Variants in CLTC observed in about 807,000 individuals in gnomAD.
CLTC encodes clathrin heavy chain 1.
A neutral mutation model predicts 195.8 loss-of-function variants in CLTC; 16 were observed. The observed-to-expected ratio is 0.08, with a 90% CI of 0.06 to 0.12. The LOEUF (loss-of-function observed/expected upper bound fraction) is 0.12, where lower values mean the gene tolerates loss of function less well. Ranked by LOEUF, CLTC falls within the 10% of genes least tolerant of loss-of-function variation. The pLI, the probability that CLTC is intolerant of heterozygous loss-of-function variation, is 1.00. For synonymous variants in CLTC, 667 were observed against 689.4 expected (o/e 0.97, Z 0.51); for missense variants, 796 against 2,027.0 (o/e 0.39, Z 11.66).
chr17:59,645,155 G>A (rs887529614), intron 2 of CLTC, among the ~76,000 whole-genome samples: 1 of 151,936 alleles, frequency 6.6e-6, no homozygotes, highest in Admixed American at 6.6e-5. Context: ...ACTAATATTA[G>A]CACCTAAACA....
chr17:59,655,921 A>T lies in CLTC; in HGVS notation c.863A>T (p.Glu288Val). The change falls in exon 6 of 32, where the codon GAG (glutamate) becomes GTG (valine). Residue 288 changes from glutamate (E) to valine (V), a missense_variant. Glu to Val is a moderately radical substitution (Grantham distance 121, BLOSUM62 -2). Coordinates refer to ENST00000269122, the MANE Select transcript of CLTC (RefSeq NM_004859.4). ...KYGYIHLYDL[E>V]TGTCIYMNRI... ...GGTTATATCCACCTCTATGATCTTG[A>T]GACTGGTACCTGCATCTACATGAAT... is the stretch of plus-strand genomic sequence containing the variant. 6.2e-7 allele frequency: 1 copy of T among 1,612,342 alleles called. No individual in the cohort carries two copies. The highest frequency in any genetic ancestry group is 8.5e-7 in the Non-Finnish European group (1 of 1,179,478).
chr17:59,657,385 T>G (rs1234484619), intron 6 of CLTC, among the ~76,000 whole-genome samples: 11 of 152,186 alleles, frequency 7.2e-5, no homozygotes, highest in African/African-American at 4.8e-5. Flanking sequence ...TAAATTATAT[T>G]TCTAGCACCA....
intron 18 of CLTC, among the ~76,000 whole-genome samples, chr17:59,679,916 A>G (rs2033047321): frequency 6.6e-6 from 1 of 152,036 alleles, no homozygotes; most frequent in African/African-American, 2.4e-5. Flanking sequence ...TAAAAATACA[A>G]AAATTAGCCA....
intron 31 of CLTC, among the ~76,000 whole-genome samples, chr17:59,692,257 C>T (rs1205963208): frequency 1.3e-5 from 2 of 152,206 alleles, no homozygotes; most frequent in East Asian, 3.9e-4. Flanking sequence ...GCAAAGGCTG[C>T]AGTGAGCCAA....
chr17:59,643,111 T>C (rs1394432651), intron 1 of CLTC, among the ~76,000 whole-genome samples: 7 of 150,698 alleles, frequency 4.6e-5, no homozygotes, highest in Admixed American at 2.0e-4. Flanking sequence ...TTTTTTTTTT[T>C]CCATGCTTTT....
Position 59,644,391 on chromosome 17 carries a change from T to C in CLTC, c.158T>C (p.Ile53Thr), listed in dbSNP as rs374052427. Residue 53 changes from isoleucine (I) to threonine (T), a missense_variant, in exon 2 of 32, where the codon ATT (isoleucine) becomes ACT (threonine). Around this residue, in one of 9 missense-constraint regions of CLTC, gnomAD observed 293 missense variants for 795.6 expected, o/e 0.37. Coordinates refer to ENST00000269122, the MANE Select transcript of CLTC (RefSeq NM_004859.4). ...GGAGAGCAGGCCCAGGTGGTAATCA[T>C]TGATATGAATGACCCAAGTAATCCA... is the stretch of plus-strand genomic sequence containing the variant. ...KVGEQAQVVI[I>T]DMNDPSNPIR... 1 of 1,614,132 alleles carries C rather than the reference T, an allele frequency of 6.2e-7. No homozygotes were observed. The highest frequency in any genetic ancestry group is 8.5e-7 in the Non-Finnish European group (1 of 1,180,002).
chr17:59,679,130 G>T (rs572901555), intron 17 of CLTC, among the ~76,000 whole-genome samples: 1 of 152,060 alleles, frequency 6.6e-6, no homozygotes, highest in East Asian at 1.9e-4. Flanking sequence ...GTGCATATAC[G>T]CATGGAAAAA....
chr17:59,654,707 C>T (rs1057185582), intron 5 of CLTC, among the ~76,000 whole-genome samples: 2 of 152,198 alleles, frequency 1.3e-5, no homozygotes, highest in Admixed American at 1.3e-4. Context: ...TCTCGAACTC[C>T]TGAGCTCAGG....
chr17:59,624,818 A>G (rs2031497707), intron 1 of CLTC, among the ~76,000 whole-genome samples: 1 of 151,924 alleles, frequency 6.6e-6, no homozygotes, highest in African/African-American at 2.4e-5. Flanking sequence ...AAAAGTGAAA[A>G]AACATAAAAT....
In CLTC at chr17:59,696,832, G is replaced by T; in HGVS notation, c.*2980G>T. The T allele has an allele frequency of 4.9e-6, 1 of 202,878 alleles. No individual in the cohort carries two copies. Among genetic ancestry groups the T allele is most frequent in the Non-Finnish European group, 1.0e-5 (1 of 98,554 alleles). The allele number at this position is 202,878 out of a possible 1,614,324, so 12.6% of individuals were successfully genotyped here. ...TCAGTGGCTTCATTGTTACAAGAAAGGGGGGAAGTGAGAAACTTTAATAGG... is the reference window on the plus strand; with the variant it reads ...TCAGTGGCTTCATTGTTACAAGAAATGGGGGAAGTGAGAAACTTTAATAGG... On this transcript the variant is annotated 3_prime_UTR_variant, in exon 32 of 32. Coordinates refer to ENST00000269122, the MANE Select transcript of CLTC (RefSeq NM_004859.4).
chr17:59,685,468 G>A lies in CLTC; in HGVS notation c.4606-119G>A, dbSNP rs1181047040. The A allele has an allele frequency of 1.1e-6, 1 of 941,154 alleles. No individual in the cohort carries two copies. The highest frequency in any genetic ancestry group is 2.9e-5 in the Admixed American group (1 of 34,812). 58.3% of individuals were successfully genotyped at this position (941,154 alleles called of 1,614,324 possible). On this transcript the variant is annotated intron_variant, in intron 29 of 31. Transcript: ENST00000269122. The surrounding 1 kb of genome is among the most constrained non-coding windows in gnomAD (Gnocchi z 5.0). ...ATTTTAATTTAAATGATACAACTAG[G>A]AGGCTTTTTTCCCCTTGCAAAACCA...
chr17:59,653,720 G>A (rs1172821335), intron 5 of CLTC, among the ~76,000 whole-genome samples: 2 of 150,744 alleles, frequency 1.3e-5, no homozygotes, highest in Non-Finnish European at 2.9e-5. Context: ...ATGCCAGTAC[G>A]CCTGGCTACT....
intron 30 of CLTC, among the ~76,000 whole-genome samples, chr17:59,687,748 G>A (rs1360061665): frequency 6.6e-6 from 1 of 152,124 alleles, no homozygotes; most frequent in Non-Finnish European, 1.5e-5. Flanking sequence ...TCTACTTTCT[G>A]TAATAAGGCA....
In CLTC at chr17:59,641,276, T is replaced by C. The variant is rs566002524; in HGVS notation, c.43-3000T>C. ...TAACACTACATTCACTAGTAGAGGC[T>C]GAGGGAGAGAGGAAAAGAAGGAATT... On this transcript the variant is annotated intron_variant, in intron 1 of 31. Coordinates refer to ENST00000269122, the MANE Select transcript of CLTC (RefSeq NM_004859.4). 2.0e-5 allele frequency among the ~76,000 whole-genome samples: 3 copies of C among 152,072 alleles called. No individual in the cohort carries two copies. In the East Asian group the frequency reaches 5.8e-4, roughly 29 times the overall value.
At position 59,694,696 on chromosome 17, in the gene CLTC, T is replaced by A. The variant is rs1024794869; in HGVS notation, c.*844T>A. 5 of 225,748 alleles carry A rather than the reference T, an allele frequency of 2.2e-5. No individual in the cohort carries two copies. The highest frequency in any genetic ancestry group is 5.7e-5 in the Admixed American group (1 of 17,546). The allele number at this position is 225,748 out of a possible 1,614,324, so 14.0% of individuals were successfully genotyped here. On this transcript the variant is annotated 3_prime_UTR_variant, in exon 32 of 32. Transcript: ENST00000269122. ...GAAGAGAGAAATTCAAACAAAATAT[T>A]GCTGTTCTTCAGTTTTGTTTGTGGA...
At chr17:59,641,245 G>A (rs1484502861) in intron 1 of CLTC, among the ~76,000 whole-genome samples, 1 of 152,094 alleles carries the variant, frequency 6.6e-6, no homozygotes, top group Non-Finnish European at 1.5e-5. Context: ...TGCATTCGTA[G>A]TAGAATAACA....
In CLTC at chr17:59,685,041, CT is replaced by C. The variant is rs567422985; in HGVS notation, c.4435-4del. 0.046 allele frequency: 41,147 copies of C among 901,552 alleles called. No individual in the cohort carries two copies. Among genetic ancestry groups the C allele is most frequent in the South Asian group, 0.096 (4,557 of 47,668 alleles). 55.8% of individuals were successfully genotyped at this position (901,552 alleles called of 1,614,324 possible). ...AAATACTGATCTGGCATTTGGATGG[CT>C]TTTTTTTTTTAAGGCTCTGCGAACA... On this transcript the variant is annotated splice_polypyrimidine_tract_variant and intron_variant, in intron 28 of 31. Coordinates refer to ENST00000269122, the MANE Select transcript of CLTC (RefSeq NM_004859.4). The surrounding 1 kb of genome is among the most constrained non-coding windows in gnomAD (Gnocchi z 5.0).
intron 31 of CLTC, among the ~76,000 whole-genome samples, chr17:59,693,520 C>T (rs1335283586): frequency 6.6e-6 from 1 of 152,116 alleles, no homozygotes; most frequent in Non-Finnish European, 1.5e-5. Context: ...TTTGGCCCTG[C>T]ACTGTTTGTT....
At chr17:59,653,778 C>T (rs1598218014) in intron 5 of CLTC, among the ~76,000 whole-genome samples, 1 of 142,922 alleles carries the variant, frequency 7.0e-6, no homozygotes, top group Non-Finnish European at 1.5e-5. Context: ...CCTGGCTGGT[C>T]TTTTTTTTTT....
Sources: gnomAD v4.1 joint callset for allele counts (sites outside exome capture counted in the v4.1 genomes callset) on GRCh38, gnomAD v4.1.1 for gene constraint, gnomAD v4.1.1 regional missense constraint, Gnocchi (gnomAD v3.1) non-coding constraint, MANE v1.5 for transcripts, NCBI Gene and HGNC (gene_info 2026-07-23, HGNC 2026-07-21) for gene names.